Variants in AMPH observed in about 807,000 individuals in gnomAD.
AMPH encodes the protein amphiphysin.
AMPH carries 49 observed loss-of-function variants against 99.1 expected under a neutral mutation model. The observed-to-expected ratio is 0.49, with a 90% CI of 0.39 to 0.63. The LOEUF is 0.63. AMPH is among the 20% of genes least tolerant of loss of function. The pLI is 0.00. For synonymous variants in AMPH, 314 were observed against 317.3 expected (o/e 0.99, Z 0.11); for missense variants, 759 against 863.4 (o/e 0.88, Z 1.52).
chr7:38,570,926 T>A (rs1244490477), intron 1 of AMPH, among the ~76,000 whole-genome samples: 4 of 55,550 alleles, frequency 7.2e-5, no homozygotes, highest in African/African-American at 3.0e-4. Context: ...AACAAAAAAA[T>A]TTATATATAT....
At chr7:38,538,038 C>T (rs1295238418) in intron 1 of AMPH, among the ~76,000 whole-genome samples, 1 of 152,032 alleles carries the variant, frequency 6.6e-6, no homozygotes, top group Non-Finnish European at 1.5e-5. Context: ...CATCAGCAGG[C>T]AAAAAGTGCA....
intron 2 of AMPH, among the ~76,000 whole-genome samples, chr7:38,523,969 G>C (rs907872674): frequency 6.6e-6 from 1 of 151,914 alleles, no homozygotes; most frequent in African/African-American, 2.4e-5. Context: ...CTCTATACTA[G>C]AGATACCTGG....
intron 13 of AMPH, 155 bp downstream of exon 13, chr7:38,432,034 T>C (rs1453895765): frequency 1.3e-6 from 1 of 758,540 alleles, no homozygotes; most frequent in Non-Finnish European, 2.4e-6. Flanking sequence ...CTGATAATGC[T>C]CAAGACTTTC....
intron 7 of AMPH, among the ~76,000 whole-genome samples, chr7:38,471,746 A>G (rs1787896090): frequency 6.6e-6 from 1 of 152,188 alleles, no homozygotes; most frequent in South Asian, 2.1e-4. Flanking sequence ...TGCCTACAAG[A>G]GACACAATTT....
chr7:38,511,965 T>C (rs1455017511), intron 2 of AMPH, among the ~76,000 whole-genome samples: 1 of 152,158 alleles, frequency 6.6e-6, no homozygotes, highest in African/African-American at 2.4e-5. Flanking sequence ...GAGACACAAG[T>C]CAAATGTGTG....
At chr7:38,400,430 A>G (rs1784810070) in intron 17 of AMPH, among the ~76,000 whole-genome samples, 1 of 152,264 alleles carries the variant, frequency 6.6e-6, no homozygotes, top group African/African-American at 2.4e-5. Context: ...GGAAAGCCAC[A>G]TAATTATGGC....
At chr7:38,401,376 T>C (rs1187995047) in intron 17 of AMPH, among the ~76,000 whole-genome samples, 1 of 152,206 alleles carries the variant, frequency 6.6e-6, no homozygotes, top group Non-Finnish European at 1.5e-5. Flanking sequence ...CCTAGGATCC[T>C]CAATAGACAT....
chr7:38,548,541 G>C (rs189976121), intron 1 of AMPH, among the ~76,000 whole-genome samples: 1 of 152,030 alleles, frequency 6.6e-6, no homozygotes, highest in African/African-American at 2.4e-5. Flanking sequence ...TCATTCATCT[G>C]GGGTAATATC....
At position 38,428,116 on chromosome 7, in the gene AMPH, C is replaced by T. The variant is rs751432166; in HGVS notation, c.1183-1130G>A. On this transcript the variant is annotated intron_variant, in intron 14 of 20. Coordinates refer to ENST00000356264, the MANE Select transcript of AMPH (RefSeq NM_001635.4). ...ACATCTGAATGTGTCCAGCTATTAT[C>T]TAAGCCTTCTGTATCTCTGATAGGC... The T allele has an allele frequency of 3.1e-5, 14 of 456,772 alleles. 1 individual carries two copies. Among genetic ancestry groups the T allele is most frequent in the South Asian group, 2.2e-4 (14 of 64,578 alleles). 28.3% of individuals were successfully genotyped at this position (456,772 alleles called of 1,614,324 possible). A position where few individuals can be genotyped will look rare whatever the true frequency, so the allele number is the denominator to read the frequency against.
chr7:38,608,013 A>AT (rs1206425183), intron 1 of AMPH, among the ~76,000 whole-genome samples: 5 of 151,720 alleles, frequency 3.3e-5, no homozygotes, highest in Non-Finnish European at 4.4e-5. Flanking sequence ...TTCCATTTCA[A>AT]TTTTTAGTAG....
intron 1 of AMPH, among the ~76,000 whole-genome samples, chr7:38,593,196 A>G (rs1792923932): frequency 6.6e-6 from 1 of 152,270 alleles, no homozygotes; most frequent in Non-Finnish European, 1.5e-5. Context: ...ACCATAAAGC[A>G]TCTTAACAAT....
Position 38,631,348 on chromosome 7 carries a change from C to T in AMPH, c.4G>A (p.Ala2Thr). 6.4e-7 allele frequency: 1 copy of T among 1,552,770 alleles called. No homozygotes were observed. The highest frequency in any genetic ancestry group is 8.7e-7 in the Non-Finnish European group (1 of 1,150,626). Residue 2 changes from alanine (A) to threonine (T), a missense_variant, in exon 1 of 21, where the codon GCC becomes ACC. Transcript: ENST00000356264. ...GCGAAGATGCCCGTCTTGATGTCGG[C>T]CATGGCTGCGGGTCCGGGGAGCTGC... The part of the protein sequence containing the change: M[A>T]DIKTGIFAKN...
intron 17 of AMPH, among the ~76,000 whole-genome samples, chr7:38,412,951 T>C (rs929629): frequency 0.93 from 141,296 of 152,198 alleles, 65,641 homozygotes; most frequent in East Asian, 0.97. Context: ...TGGAAATTTG[T>C]GTTGATGGAG....
intron 5 of AMPH, among the ~76,000 whole-genome samples, chr7:38,483,564 T>C (rs1051862759): frequency 6.6e-6 from 1 of 152,122 alleles, no homozygotes; most frequent in Non-Finnish European, 1.5e-5. Context: ...TGACCCAGCA[T>C]TCTCTAGATG....
chr7:38,584,431 C>T (rs1222743465), intron 1 of AMPH, among the ~76,000 whole-genome samples: 1 of 152,196 alleles, frequency 6.6e-6, no homozygotes, highest in Admixed American at 6.5e-5. Flanking sequence ...GAATATCATT[C>T]AAGATGTGGT....
chr7:38,585,466 G>A (rs1478013055), intron 1 of AMPH, among the ~76,000 whole-genome samples: 1 of 152,200 alleles, frequency 6.6e-6, no homozygotes, highest in Non-Finnish European at 1.5e-5. Context: ...AGAAGATGCT[G>A]TCATTTGATG....
intron 3 of AMPH, among the ~76,000 whole-genome samples, chr7:38,497,923 G>A (rs965247413): frequency 2.6e-5 from 4 of 152,194 alleles, no homozygotes; most frequent in African/African-American, 7.2e-5. Context: ...CACGTGCACT[G>A]TGCTCCATTT....
At chr7:38,614,331 T>G (rs1372683063) in intron 1 of AMPH, among the ~76,000 whole-genome samples, 1 of 152,226 alleles carries the variant, frequency 6.6e-6, no homozygotes, top group Non-Finnish European at 1.5e-5. Flanking sequence ...GCAGTTTCCA[T>G]GATGGATCAT....
intron 17 of AMPH, among the ~76,000 whole-genome samples, chr7:38,404,851 T>C (rs1784938824): frequency 6.6e-6 from 1 of 152,082 alleles, no homozygotes. Context: ...TACAAAAAAC[T>C]CAGAGAACAT....
Sources: gnomAD v4.1 joint callset for allele counts (sites outside exome capture counted in the v4.1 genomes callset) on GRCh38, gnomAD v4.1.1 for gene constraint, MANE v1.5 for transcripts, NCBI Gene and HGNC (gene_info 2026-07-23, HGNC 2026-07-21) for gene names.